Variants in MIS18BP1 observed in about 807,000 individuals in gnomAD.
The protein encoded by MIS18BP1 is mis18-binding protein 1.
MIS18BP1 carries 72 observed loss-of-function variants against 116.1 expected under a neutral mutation model. The observed-to-expected ratio is 0.62, with a 90% CI of 0.51 to 0.75. MIS18BP1 has a LOEUF of 0.75. Among genes scored for constraint, MIS18BP1 ranks in the 30% least tolerant of loss-of-function variants. The probability of loss-of-function intolerance (pLI) is 0.00; values close to 1 mark genes in which losing one functional copy is unlikely to be tolerated. For synonymous variants in MIS18BP1, 386 were observed against 427.0 expected (o/e 0.90, Z 1.18); for missense variants, 1,363 against 1,303.2 (o/e 1.05, Z -0.71).
chr14:45,230,191 A>G (rs1199331539), intron 8 of MIS18BP1, among the ~76,000 whole-genome samples: 1 of 152,208 alleles, frequency 6.6e-6, no homozygotes, highest in East Asian at 1.9e-4. Flanking sequence ...TGTTTACAAC[A>G]TATTTTAGTA....
At chr14:45,250,853 C>T (rs553840413) in intron 1 of MIS18BP1, among the ~76,000 whole-genome samples, 1 of 152,044 alleles carries the variant, frequency 6.6e-6, no homozygotes, top group Non-Finnish European at 1.5e-5. Context: ...CTGTCTAACA[C>T]GGTGAAAACC....
At chr14:45,208,051 C>A (rs374310389) in intron 14 of MIS18BP1, among the ~76,000 whole-genome samples, 1 of 152,102 alleles carries the variant, frequency 6.6e-6, no homozygotes, top group African/African-American at 2.4e-5. Flanking sequence ...TCCTTCCTTA[C>A]GAATTTGTTA....
At chr14:45,238,740 ACTTG>A (rs1327171626) in intron 4 of MIS18BP1, among the ~76,000 whole-genome samples, 1 of 152,160 alleles carries the variant, frequency 6.6e-6, no homozygotes, top group Non-Finnish European at 1.5e-5. Flanking sequence ...TGGGAGGATC[ACTTG>A]AGCTTGGGAG....
At chr14:45,240,649 G>T (rs1274261240) in intron 4 of MIS18BP1, among the ~76,000 whole-genome samples, 1 of 152,228 alleles carries the variant, frequency 6.6e-6, no homozygotes, top group Middle Eastern at 3.4e-3. Context: ...GAGTTGGACA[G>T]GGGATAAAGG....
intron 14 of MIS18BP1, among the ~76,000 whole-genome samples, chr14:45,207,057 A>C (rs771115064): frequency 1.3e-5 from 2 of 152,006 alleles, no homozygotes; most frequent in African/African-American, 2.4e-5. Flanking sequence ...CCTTTACCTT[A>C]TCTCTTCCCT....
chr14:45,216,292 T>C (rs900114991), intron 13 of MIS18BP1, among the ~76,000 whole-genome samples: 5 of 152,242 alleles, frequency 3.3e-5, no homozygotes, highest in African/African-American at 4.8e-5. Flanking sequence ...TCAATTTGTA[T>C]GCCCACTGAT....
Position 45,231,155 on chromosome 14 carries a change from T to C in MIS18BP1, c.1580A>G (p.Asp527Gly). 1 of 1,610,644 alleles carries C rather than the reference T, an allele frequency of 6.2e-7. No homozygotes were observed. ...ACAAAACATACCCAAATTATCACAA[T>C]CAAAATCGTAAGTGGTGGTGGCTCT... ...AQRATTTYDF[D>G]CDNLELKSNK... The change falls in exon 8 of 17, where the codon GAT (aspartate) becomes GGT (glycine). Residue 527 changes from aspartate to glycine, a missense_variant. Transcript: ENST00000310806.
At chr14:45,221,579 T>C (rs1594508886) in intron 11 of MIS18BP1, among the ~76,000 whole-genome samples, 1 of 152,386 alleles carries the variant, frequency 6.6e-6, no homozygotes, top group Middle Eastern at 3.4e-3. Flanking sequence ...ATCTTTATTT[T>C]ATTGATTTGT....
At chr14:45,229,212 TA>T (rs1295753626) in intron 8 of MIS18BP1, among the ~76,000 whole-genome samples, 2 of 152,034 alleles carry the variant, frequency 1.3e-5, no homozygotes, top group African/African-American at 4.8e-5. Flanking sequence ...GAAAGCACTT[TA>T]AAAATGTTGA....
rs1891928604 is a variant in MIS18BP1, at chr14:45,253,129, C to T, written c.-186G>A. 1 of 152,342 alleles carries T rather than the reference C, an allele frequency of 6.6e-6. No homozygotes were observed. Among genetic ancestry groups the T allele is most frequent in the South Asian group, 2.1e-4 (1 of 4,834 alleles). The allele number at this position is 152,342 out of a possible 1,614,324, so 9.4% of individuals were successfully genotyped here. ...CACGCCGCCGGGCTCGCGCCTCAGG[C>T]CCACGGTGTATCCTGCCCGCGGCGG... is the stretch of plus-strand genomic sequence containing the variant. On this transcript the variant is annotated 5_prime_UTR_variant, in exon 1 of 17. Coordinates refer to ENST00000310806, the MANE Select transcript of MIS18BP1 (RefSeq NM_018353.5).
chr14:45,244,430 C>A lies in MIS18BP1; in HGVS notation c.545-1556G>T, dbSNP rs373359211. Among the ~76,000 whole-genome samples, 208 of 152,100 alleles carry A rather than the reference C, an allele frequency of 1.4e-3. 1 individual carries two copies. The Middle Eastern group carries it at 0.024, about 17-fold the overall frequency. ...CCAAATAAAATATACACTTCACAATCCCTCATCTCCTTCAGATCCTTTGCC... is the reference window on the plus strand; with the variant it reads ...CCAAATAAAATATACACTTCACAATACCTCATCTCCTTCAGATCCTTTGCC... On this transcript the variant is annotated intron_variant, in intron 2 of 16. Coordinates refer to ENST00000310806, the MANE Select transcript of MIS18BP1 (RefSeq NM_018353.5).
rs1451813826 is a variant in MIS18BP1, at chr14:45,204,384, CTGTAAG to C, written c.3295+9_3295+14del. On this transcript the variant is annotated intron_variant, in intron 16 of 16. Transcript: ENST00000310806. The stretch of plus-strand genomic sequence containing the variant: ...AATAGAACTGAGCCACAAAAGAAAG[CTGTAAG>C]TGTATTACCTGTGTTAAATGGGGTT... 3.1e-6 allele frequency: 5 copies of C among 1,597,456 alleles called. No individual in the cohort carries two copies. Among genetic ancestry groups the C allele is most frequent in the Admixed American group, 1.8e-5 (1 of 55,838 alleles).
At chr14:45,217,326 T>A in intron 12 of MIS18BP1, 147 bp from the exon 13 acceptor site, 1 of 863,034 alleles carries the variant, frequency 1.2e-6, no homozygotes, top group East Asian at 2.6e-5. Context: ...CAGTGGCTCA[T>A]CCCTGTAACC....
chr14:45,234,133 C>G (rs574359176), intron 6 of MIS18BP1, among the ~76,000 whole-genome samples: 3 of 151,618 alleles, frequency 2.0e-5, no homozygotes, highest in South Asian at 4.2e-4. Context: ...TAACTCTGTT[C>G]AAAGTGTATA....
chr14:45,251,927 A>G (rs1388915182), intron 1 of MIS18BP1, among the ~76,000 whole-genome samples: 2 of 152,242 alleles, frequency 1.3e-5, no homozygotes, highest in South Asian at 2.1e-4. Context: ...TTTTTCCTAT[A>G]GAAACATCTG....
At chr14:45,219,584 T>A (rs1890917730) in intron 11 of MIS18BP1, among the ~76,000 whole-genome samples, 1 of 152,258 alleles carries the variant, frequency 6.6e-6, no homozygotes, top group Non-Finnish European at 1.5e-5. Flanking sequence ...TATAATTTTT[T>A]AATGACTTTA....
chr14:45,206,033 C>T (rs745831650), intron 15 of MIS18BP1, 50 bp downstream of exon 15: 3 of 1,186,552 alleles, frequency 2.5e-6, no homozygotes, highest in South Asian at 2.6e-5. Context: ...CAGTTTATCA[C>T]ATATTAAAGT....
intron 4 of MIS18BP1, among the ~76,000 whole-genome samples, chr14:45,239,356 G>GGTGCTTTTT (rs1293450994): frequency 4.6e-5 from 7 of 152,162 alleles, no homozygotes; most frequent in Non-Finnish European, 1.0e-4. Flanking sequence ...AGATAAATGA[G>GGTGCTTTTT]GTGCTTTTTA....
chr14:45,251,657 A>C (rs545023437), intron 1 of MIS18BP1, among the ~76,000 whole-genome samples: 2 of 152,340 alleles, frequency 1.3e-5, no homozygotes, highest in South Asian at 4.1e-4. Flanking sequence ...ACATATGACA[A>C]AGGGCTAATT....
Sources: gnomAD v4.1 joint callset for allele counts (sites outside exome capture counted in the v4.1 genomes callset) on GRCh38, gnomAD v4.1.1 for gene constraint, MANE v1.5 for transcripts, NCBI Gene and HGNC (gene_info 2026-07-23, HGNC 2026-07-21) for gene names.